The following USP54 variants were observed in gnomAD, a reference collection of about 807,000 sequenced individuals.
USP54 encodes ubiquitin specific peptidase 54, also known as ubiquitin carboxyl-terminal hydrolase 54.
Under a neutral mutation model 170.5 loss-of-function variants are expected in USP54, and 87 were observed. The observed-to-expected ratio is 0.51, with a 90% CI of 0.43 to 0.61. The LOEUF (loss-of-function observed/expected upper bound fraction) is 0.61. Among genes scored for constraint, USP54 ranks in the 20% least tolerant of loss-of-function variants. The pLI, the probability that USP54 is intolerant of heterozygous loss-of-function variation, is 0.00. For synonymous variants in USP54, 655 were observed against 742.8 expected (o/e 0.88, Z 1.92); for missense variants, 1,786 against 2,047.8 (o/e 0.87, Z 2.47).
chr10:73,568,449 T>C (rs2074328622), intron 4 of USP54, among the ~76,000 whole-genome samples: 1 of 152,138 alleles, frequency 6.6e-6, no homozygotes. Context: ...AATTAGTCTA[T>C]CTGCATTACA....
At chr10:73,596,665 G>C (rs1348228750) in intron 1 of USP54, among the ~76,000 whole-genome samples, 1 of 141,996 alleles carries the variant, frequency 7.0e-6, no homozygotes, top group East Asian at 2.1e-4. Context: ...GTTGCAGTGA[G>C]CTGAGATCAG....
Position 73,542,934 on chromosome 10 carries a change from G to A in USP54, c.490-49C>T. On this transcript the variant is annotated intron_variant, in intron 6 of 23. Transcript: ENST00000687698. Reference sequence around the variant, plus strand: ...AACCAAGCAACCATAATCAGGAACTGTTTTGGCACCCATTTAACACCCCAC... The same window carrying A: ...AACCAAGCAACCATAATCAGGAACTATTTTGGCACCCATTTAACACCCCAC... The A allele has an allele frequency of 2.5e-6, 4 of 1,612,006 alleles. 1 individual carries two copies. Among genetic ancestry groups the A allele is most frequent in the Non-Finnish European group, 3.4e-6 (4 of 1,178,136 alleles).
At chr10:73,533,487 T>C (rs2064489940) in intron 12 of USP54, among the ~76,000 whole-genome samples, 1 of 151,578 alleles carries the variant, frequency 6.6e-6, no homozygotes, top group Non-Finnish European at 1.5e-5. Context: ...AACTAGGTGA[T>C]GGGTACATGA....
At chr10:73,589,544 A>G (rs924293351) in intron 1 of USP54, among the ~76,000 whole-genome samples, 5 of 152,202 alleles carry the variant, frequency 3.3e-5, no homozygotes, top group African/African-American at 1.2e-4. Context: ...AATTTTATGA[A>G]TCACTAAGAC....
At chr10:73,592,538 C>G (rs2132224695), upstream of USP54, among the ~76,000 whole-genome samples, 1 of 151,000 alleles carries the variant, frequency 6.6e-6, no homozygotes, top group South Asian at 2.1e-4. Context: ...TAACTCAGGT[C>G]TCCTAGTGGT....
At chr10:73,587,772 C>T (rs7070516) in intron 1 of USP54, among the ~76,000 whole-genome samples, 13,225 of 152,038 alleles carry the variant, frequency 0.087, 856 homozygotes, top group African/African-American at 0.18. Context: ...AATGTAGATA[C>T]GTATAATTAG....
chr10:73,535,713 A>AT lies in USP54; in HGVS notation c.1144+555dup, dbSNP rs1290207241. Reference sequence around the variant, plus strand: ...GAGGAATATTACTACTGGACAAGGAATTTTTCCCCCCTCCAAGACAGAGTC... The same window carrying AT: ...GAGGAATATTACTACTGGACAAGGAATTTTTTCCCCCCTCCAAGACAGAGTC... On this transcript the variant is annotated intron_variant, in intron 11 of 23. Coordinates refer to ENST00000687698, the MANE Select transcript of USP54 (RefSeq NM_001391956.1). Among the ~76,000 whole-genome samples the AT allele has an allele frequency of 3.3e-5, 5 of 152,056 alleles. No individual in the cohort carries two copies. In the East Asian group the frequency reaches 7.7e-4, roughly 23 times the overall value.
intron 18 of USP54, 85 bp from the exon 19 acceptor site, chr10:73,520,077 A>G (rs1306456142): frequency 3.3e-6 from 5 of 1,515,824 alleles, no homozygotes; most frequent in Non-Finnish European, 4.4e-6. Flanking sequence ...AAAATGAGCA[A>G]AGATATGCAG....
chr10:73,530,771 G>A lies in USP54; in HGVS notation c.1380C>T (p.Arg460=). Residue 460 remains arginine, a synonymous_variant, in exon 13 of 24, where the codon CGC becomes CGT. Transcript: ENST00000687698. ...HTSKKGSLIE[R]KRSSGRVRRK... is the part of the protein sequence containing the mutation. ...TCCTAACCCGACCAGAGCTCCTCTTGCGCTCTATCAGTGACCCTTTCTTGG... is the reference window on the plus strand; with the variant it reads ...TCCTAACCCGACCAGAGCTCCTCTTACGCTCTATCAGTGACCCTTTCTTGG... 6.2e-7 allele frequency: 1 copy of A among 1,614,042 alleles called. No homozygotes were observed. The highest frequency in any genetic ancestry group is 8.5e-7 in the Non-Finnish European group (1 of 1,179,946).
In USP54 at chr10:73,540,337, G is replaced by T. The variant is rs537809488; in HGVS notation, c.826-744C>A. On this transcript the variant is annotated intron_variant, in intron 9 of 23. Transcript: ENST00000687698. ...TGTAATCCCAGCACTTTTGGAGGGG[G>T]AGGCAGGCAGATCACGAGGTCAGGA... 4.0e-5 allele frequency among the ~76,000 whole-genome samples: 6 copies of T among 151,692 alleles called. No individual in the cohort carries two copies. In the South Asian group the frequency reaches 1.3e-3, roughly 32 times the overall value.
In USP54 at chr10:73,536,988, G is replaced by A. The variant is rs564543179; in HGVS notation, c.976-551C>T. 6.6e-5 allele frequency among the ~76,000 whole-genome samples: 10 copies of A among 152,272 alleles called. No individual in the cohort carries two copies. In the South Asian group the frequency reaches 1.7e-3, roughly 25 times the overall value. ...CTTAGAATAGACAATTGAACCTCTCGGCCTTAGCCCTGTGCTGGATTCAGC... is the reference window on the plus strand; with the variant it reads ...CTTAGAATAGACAATTGAACCTCTCAGCCTTAGCCCTGTGCTGGATTCAGC... On this transcript the variant is annotated intron_variant, in intron 10 of 23. Transcript: ENST00000687698.
At chr10:73,520,723 C>T (rs1169445541) in intron 18 of USP54, among the ~76,000 whole-genome samples, 185 bp downstream of exon 18, 1 of 152,200 alleles carries the variant, frequency 6.6e-6, no homozygotes, top group Non-Finnish European at 1.5e-5. Context: ...TATCCATAGG[C>T]CACAGTGCCA....
intron 4 of USP54, among the ~76,000 whole-genome samples, chr10:73,565,334 T>C (rs927581977): frequency 2.0e-5 from 3 of 151,720 alleles, no homozygotes; most frequent in Admixed American, 2.0e-4. Flanking sequence ...CTAGGCAACA[T>C]AGTGAGAACC....
intron 4 of USP54, among the ~76,000 whole-genome samples, chr10:73,556,416 G>A (rs1197625690): frequency 2.1e-5 from 3 of 145,454 alleles, no homozygotes; most frequent in Non-Finnish European, 4.5e-5. Flanking sequence ...GCACCATTTC[G>A]GTTCACTGCA....
chr10:73,509,064 C>A (rs1246265916), intron 20 of USP54, among the ~76,000 whole-genome samples: 26 of 24,778 alleles, frequency 1.0e-3, no homozygotes, highest in Admixed American at 3.9e-3. Context: ...ATTTCCTCAA[C>A]AAATAAATGG....
intron 20 of USP54, among the ~76,000 whole-genome samples, chr10:73,512,930 T>C (rs1199082951): frequency 6.6e-6 from 1 of 151,706 alleles, no homozygotes; most frequent in Non-Finnish European, 1.5e-5. Flanking sequence ...GGGGCTGAGG[T>C]GGGAGGATCT....
In USP54 at chr10:73,571,440, C is replaced by G; in HGVS notation, c.221G>C (p.Cys74Ser). 2 of 1,613,500 alleles carry G rather than the reference C, an allele frequency of 1.2e-6. No individual in the cohort carries two copies. Among genetic ancestry groups the G allele is most frequent in the Non-Finnish European group, 1.7e-6 (2 of 1,179,724 alleles). The part of the protein sequence containing the change: ...LTTHKCMGDS[C>S]IFCALKGIFN... Reference sequence around the variant, plus strand: ...ACTTACCTTGAGAGCGCAAAAGATGCAGGAATCTCCCATGCACTTGTGAGT... The same window carrying G: ...ACTTACCTTGAGAGCGCAAAAGATGGAGGAATCTCCCATGCACTTGTGAGT... The change falls in exon 4 of 24, where the codon TGC (cysteine) becomes TCC (serine). Residue 74 changes from cysteine (C) to serine (S), a missense_variant. This residue lies in a region of USP54 where 361 missense variants were observed against 455.0 expected (regional missense o/e 0.79). Coordinates refer to ENST00000687698, the MANE Select transcript of USP54 (RefSeq NM_001391956.1).
At chr10:73,612,571 G>A (rs763227121) in intron 1 of USP54, among the ~76,000 whole-genome samples, 21 of 152,072 alleles carry the variant, frequency 1.4e-4, no homozygotes, top group Non-Finnish European at 2.4e-4. Flanking sequence ...GCCGGGTGAG[G>A]TGGCTCATGG....
At position 73,516,794 on chromosome 10, in the gene USP54, T is replaced by G; in HGVS notation, c.3632A>C (p.Asn1211Thr). 3 of 1,614,096 alleles carry G rather than the reference T, an allele frequency of 1.9e-6. No homozygotes were observed. The highest frequency in any genetic ancestry group is 2.5e-6 in the Non-Finnish European group (3 of 1,180,022). ...AGTTTCACCATTAGGCAGCCCAGAG[T>G]TTAAGGCAAGAGAAGAATGTTCAGT... ...ESTEHSSLAL[N>T]SGLPNGETSS... is the part of the protein sequence containing the mutation. Residue 1211 changes from asparagine (N) to threonine (T), a missense_variant, in exon 20 of 24, where the codon AAC becomes ACC. Asn to Thr is a moderately conservative substitution (Grantham distance 65, BLOSUM62 0). Coordinates refer to ENST00000687698, the MANE Select transcript of USP54 (RefSeq NM_001391956.1).
Sources: gnomAD v4.1 joint callset for allele counts (sites outside exome capture counted in the v4.1 genomes callset) on GRCh38, gnomAD v4.1.1 for gene constraint, gnomAD v4.1.1 regional missense constraint, MANE v1.5 for transcripts, NCBI Gene and HGNC (gene_info 2026-07-23, HGNC 2026-07-21) for gene names.